PIK3C2G: variants seen among roughly 807,000 people sequenced by gnomAD.
PIK3C2G encodes the protein phosphatidylinositol-4-phosphate 3-kinase catalytic subunit type 2 gamma.
In PIK3C2G, 168 loss-of-function variants were observed where a neutral mutation model predicts 181.1. The ratio of observed to expected loss-of-function variants is 0.93; its 90% CI spans 0.82 to 1.05. The LOEUF (loss-of-function observed/expected upper bound fraction) is 1.05, where lower values mean the gene tolerates loss of function less well. Among genes scored for constraint, PIK3C2G ranks in the 50% least tolerant of loss-of-function variants. The pLI, the probability that PIK3C2G is intolerant of heterozygous loss-of-function variation, is 0.00. For synonymous variants in PIK3C2G, 573 were observed against 592.2 expected (o/e 0.97, Z 0.47); for missense variants, 1,869 against 1,732.8 (o/e 1.08, Z -1.40).
intron 12 of PIK3C2G, among the ~76,000 whole-genome samples, chr12:18,370,174 A>G: frequency 6.6e-6 from 1 of 152,212 alleles, no homozygotes; most frequent in East Asian, 1.9e-4. Flanking sequence ...TAGGGATGCC[A>G]GATCACAATC....
chr12:18,500,368 T>A (rs1375067415), intron 22 of PIK3C2G, among the ~76,000 whole-genome samples: 1 of 152,172 alleles, frequency 6.6e-6, no homozygotes, highest in African/African-American at 2.4e-5. Flanking sequence ...CGCCGGGCCT[T>A]AGCTGCCTTC....
the PIK3C2G span, chr12:18,693,832 G>A: frequency 2.0e-6 from 3 of 1,529,744 alleles, no homozygotes; most frequent in South Asian, 1.1e-5. Context: ...GGAAGATTGA[G>A]TTCCCCCTGC....
At chr12:18,523,544 A>T (rs1943046248) in intron 24 of PIK3C2G, among the ~76,000 whole-genome samples, 1 of 152,214 alleles carries the variant, frequency 6.6e-6, no homozygotes, top group Admixed American at 6.5e-5. Flanking sequence ...CATGGGGAAG[A>T]CAACAAGAGC....
chr12:18,357,642 G>T (rs1247292507), intron 11 of PIK3C2G, among the ~76,000 whole-genome samples: 2 of 152,116 alleles, frequency 1.3e-5, no homozygotes, highest in Non-Finnish European at 2.9e-5. Flanking sequence ...TTTAAAAATT[G>T]TGGTAAAAAT....
chr12:18,432,528 A>G (rs1460666464), intron 18 of PIK3C2G, among the ~76,000 whole-genome samples: 2 of 152,094 alleles, frequency 1.3e-5, no homozygotes, highest in East Asian at 3.9e-4. Context: ...TATACTAGAG[A>G]TTTGGGTTAA....
At chr12:18,497,041 T>C (rs1363887343) in intron 21 of PIK3C2G, among the ~76,000 whole-genome samples, 1 of 152,210 alleles carries the variant, frequency 6.6e-6, no homozygotes, top group Non-Finnish European at 1.5e-5. Context: ...CCTTAACCAA[T>C]ACATGACTAT....
chr12:18,551,913 G>C (rs1013632975), intron 26 of PIK3C2G, among the ~76,000 whole-genome samples: 1 of 152,082 alleles, frequency 6.6e-6, no homozygotes, highest in Non-Finnish European at 1.5e-5. Flanking sequence ...GACTTAACTA[G>C]TTGCCTTTGT....
intron 16 of PIK3C2G, among the ~76,000 whole-genome samples, chr12:18,406,263 C>T (rs777836729): frequency 5.9e-5 from 9 of 152,130 alleles, no homozygotes; most frequent in Non-Finnish European, 1.2e-4. Flanking sequence ...ACCACAGTGT[C>T]GTTATCCATT....
chr12:18,257,034 G>A (rs1358552170), upstream of PIK3C2G, among the ~76,000 whole-genome samples: 1 of 152,192 alleles, frequency 6.6e-6, no homozygotes, highest in South Asian at 2.1e-4. Flanking sequence ...AACAGCTTTT[G>A]CCATGCCTGA....
chr12:18,620,558 ATAGATAGATAGG>A (rs1948813174), intron 31 of PIK3C2G, among the ~76,000 whole-genome samples: 1 of 148,378 alleles, frequency 6.7e-6, no homozygotes, highest in Non-Finnish European at 1.5e-5. Context: ...AGATAGATAG[ATAGATAGATAGG>A]TAACCATACT....
intron 20 of PIK3C2G, among the ~76,000 whole-genome samples, chr12:18,491,936 T>C (rs986410408): frequency 6.6e-6 from 1 of 152,226 alleles, no homozygotes; most frequent in Non-Finnish European, 1.5e-5. Flanking sequence ...TAACCATACC[T>C]AGTACACGAA....
chr12:18,288,003 C>T (rs1591833563), intron 3 of PIK3C2G, among the ~76,000 whole-genome samples: 1 of 151,646 alleles, frequency 6.6e-6, no homozygotes, highest in African/African-American at 2.4e-5. Context: ...CTCTACTAAA[C>T]ATACAAAAAT....
chr12:18,346,252 T>G (rs2137659607), intron 10 of PIK3C2G, among the ~76,000 whole-genome samples: 1 of 152,368 alleles, frequency 6.6e-6, no homozygotes, highest in African/African-American at 2.4e-5. Context: ...ATTCTTTAGA[T>G]GGAATTTGTT....
At chr12:18,561,952 G>C (rs1405117360) in intron 26 of PIK3C2G, among the ~76,000 whole-genome samples, 1 of 151,892 alleles carries the variant, frequency 6.6e-6, no homozygotes, top group Non-Finnish European at 1.5e-5. Context: ...TGAAAGTTGA[G>C]CCATAAGTGT....
intron 26 of PIK3C2G, among the ~76,000 whole-genome samples, chr12:18,557,235 CTAAT>C (rs560515504): frequency 1.8e-3 from 278 of 152,048 alleles, no homozygotes; most frequent in African/African-American, 6.3e-3. Context: ...ATAAAGCTCT[CTAAT>C]TAAACTTTGT....
At chr12:18,693,174 A>G in the PIK3C2G span, 1,515,195 of 1,548,338 alleles carry the variant, frequency 0.98, 741,697 homozygotes, top group East Asian at 1. Flanking sequence ...AGAACACTAC[A>G]TCAGCATTCT....
chr12:18,681,730 T>C, the PIK3C2G span, among the ~76,000 whole-genome samples: 5,183 of 152,150 alleles, frequency 0.034, 141 homozygotes, highest in Middle Eastern at 0.095. Context: ...AAATGAACAA[T>C]TTGGTCTTCA....
Position 18,488,537 on chromosome 12 carries a change from T to A in PIK3C2G, c.2593T>A (p.Leu865Met). Residue 865 changes from leucine to methionine, a missense_variant, in exon 19 of 33, where the codon TTG becomes ATG. Leu to Met is a conservative substitution (Grantham distance 15). Transcript: ENST00000538779. ...TCTCCAATTCTGTGCAGGTAAAGCC[T>A]TGAATGATGAGTTTTCCAAGGAGCA... ...AALQFCAGKA[L>M]NDEFSKEQKL... 6.3e-7 allele frequency: 1 copy of A among 1,592,876 alleles called. No individual in the cohort carries two copies. Among genetic ancestry groups the A allele is most frequent in the Non-Finnish European group, 8.6e-7 (1 of 1,169,402 alleles).
At chr12:18,444,711 G>A (rs939801623) in intron 18 of PIK3C2G, among the ~76,000 whole-genome samples, 16 of 151,910 alleles carry the variant, frequency 1.1e-4, no homozygotes, top group Admixed American at 1.0e-3. Flanking sequence ...CTGATTTGAC[G>A]TTTTATCTAA....
Sources: gnomAD v4.1 joint callset for allele counts (sites outside exome capture counted in the v4.1 genomes callset) on GRCh38, gnomAD v4.1.1 for gene constraint, MANE v1.5 for transcripts, NCBI Gene and HGNC (gene_info 2026-07-23, HGNC 2026-07-21) for gene names.